FRMD3: variants seen among roughly 807,000 people sequenced by gnomAD.
The protein encoded by FRMD3 is FERM domain-containing protein 3.
A neutral mutation model predicts 70.2 loss-of-function variants in FRMD3; 33 were observed. That is an observed-to-expected ratio of 0.47 (90% CI 0.36 to 0.63). FRMD3 has a LOEUF of 0.63. Ranked by LOEUF, FRMD3 falls within the 20% of genes least tolerant of loss-of-function variation. FRMD3 has a pLI of 0.00. For missense variants in FRMD3, 632 were observed against 711.4 expected (o/e 0.89, Z 1.27); for synonymous variants, 279 against 255.9 (o/e 1.09, Z -0.86).
chr9:83,557,409 A>G, the FRMD3 span, among the ~76,000 whole-genome samples: 5 of 152,248 alleles, frequency 3.3e-5, no homozygotes, highest in Non-Finnish European at 7.3e-5. Flanking sequence ...TGCTGAAGCT[A>G]AAATGCCACA....
chr9:83,428,028 T>C (rs537880021), intron 1 of FRMD3, among the ~76,000 whole-genome samples: 9 of 152,322 alleles, frequency 5.9e-5, no homozygotes, highest in African/African-American at 1.7e-4. Context: ...TAAGTACTTC[T>C]GCTTCTAGAT....
chr9:83,424,234 C>A (rs1826736066), intron 1 of FRMD3, among the ~76,000 whole-genome samples: 1 of 152,166 alleles, frequency 6.6e-6, no homozygotes, highest in Non-Finnish European at 1.5e-5. Flanking sequence ...AAACATGTCT[C>A]CTGCTCTTAC....
At chr9:83,570,326 G>A in the FRMD3 span, among the ~76,000 whole-genome samples, 1 of 152,174 alleles carries the variant, frequency 6.6e-6, no homozygotes, top group Non-Finnish European at 1.5e-5. Context: ...GGAAAAGGGG[G>A]TGTTGGGAGT....
intron 9 of FRMD3, 45 bp downstream of exon 9, chr9:83,310,440 C>G: frequency 6.8e-7 from 1 of 1,460,822 alleles, no homozygotes; most frequent in Non-Finnish European, 9.5e-7. Context: ...GAATCTCTCT[C>G]ATGCACACAC....
chr9:83,276,987 C>T (rs542416895), intron 13 of FRMD3, among the ~76,000 whole-genome samples: 12 of 152,086 alleles, frequency 7.9e-5, no homozygotes, highest in Non-Finnish European at 1.3e-4. Flanking sequence ...CGTGAGCCAC[C>T]GCACCCAGCC....
chr9:83,533,295 C>T (rs1829826316), intron 1 of FRMD3, among the ~76,000 whole-genome samples: 1 of 152,136 alleles, frequency 6.6e-6, no homozygotes, highest in African/African-American at 2.4e-5. Flanking sequence ...AACACAATAA[C>T]ATCCATAAAA....
At chr9:83,557,132 T>G in the FRMD3 span, among the ~76,000 whole-genome samples, 3 of 152,192 alleles carry the variant, frequency 2.0e-5, no homozygotes, top group Non-Finnish European at 4.4e-5. Context: ...AAAAAGAGTT[T>G]GAATTACCAA....
intron 6 of FRMD3, among the ~76,000 whole-genome samples, chr9:83,316,162 T>C (rs13284723): frequency 2.5e-3 from 153 of 61,304 alleles, no homozygotes; most frequent in Non-Finnish European, 4.6e-3. Flanking sequence ...TTTTTTTTTC[T>C]TTTTTTTTTT....
rs1026541881 is a variant in FRMD3 at position 83,534,659 on chromosome 9, T to C, written c.147+3426A>G. On this transcript the variant is annotated intron_variant, in intron 1 of 13. Coordinates refer to ENST00000304195, the MANE Select transcript of FRMD3 (RefSeq NM_174938.6). ...TTCATCTTTTGATGCATAGGCATAATTTGGGGCTACTACTGTCTGAAATAT... is the reference window on the plus strand; with the variant it reads ...TTCATCTTTTGATGCATAGGCATAACTTGGGGCTACTACTGTCTGAAATAT... 7.2e-5 allele frequency among the ~76,000 whole-genome samples: 11 copies of C among 152,316 alleles called. No homozygotes were observed. In the South Asian group the frequency reaches 8.3e-4, roughly 11 times the overall value.
At chr9:83,523,387 A>G (rs539288169) in intron 1 of FRMD3, among the ~76,000 whole-genome samples, 1 of 152,280 alleles carries the variant, frequency 6.6e-6, no homozygotes, top group African/African-American at 2.4e-5. Flanking sequence ...TCAGACTAGA[A>G]TCTCACAATC....
chr9:83,329,615 A>G (rs1836167488), intron 6 of FRMD3, among the ~76,000 whole-genome samples: 1 of 152,208 alleles, frequency 6.6e-6, no homozygotes, highest in Non-Finnish European at 1.5e-5. Context: ...TATAACCTTT[A>G]AGAAATAGAG....
chr9:83,444,630 G>C (rs1009080017), intron 1 of FRMD3, among the ~76,000 whole-genome samples: 1 of 152,136 alleles, frequency 6.6e-6, no homozygotes, highest in Non-Finnish European at 1.5e-5. Context: ...CACCTACCAG[G>C]CTACCACTAA....
Position 83,538,031 on chromosome 9 carries a change from C to G in FRMD3, c.147+54G>C. The G allele has an allele frequency of 1.9e-6, 3 of 1,596,398 alleles. No individual in the cohort carries two copies. ...GTTCTCGCATGCCCACCGCAAAGGC[C>G]CCCCGCCCTGCTCCCGGCGTGTGCC... is the stretch of plus-strand genomic sequence containing the variant. On this transcript the variant is annotated intron_variant, in intron 1 of 13. Coordinates refer to ENST00000304195, the MANE Select transcript of FRMD3 (RefSeq NM_174938.6). This position sits in a 1 kb window ranked among gnomAD's most constrained non-coding sequence, Gnocchi z 4.7.
At chr9:83,496,168 T>C (rs1828938081) in intron 1 of FRMD3, among the ~76,000 whole-genome samples, 1 of 152,188 alleles carries the variant, frequency 6.6e-6, no homozygotes. Context: ...TTTTTAATGG[T>C]AAAGGCATGA....
At chr9:83,474,933 T>C (rs1587889927) in intron 1 of FRMD3, among the ~76,000 whole-genome samples, 1 of 152,010 alleles carries the variant, frequency 6.6e-6, no homozygotes, top group Admixed American at 6.6e-5. Flanking sequence ...CAGACCTGGG[T>C]ATCTAATCTG....
At chr9:83,527,920 G>A (rs1252832819) in intron 1 of FRMD3, among the ~76,000 whole-genome samples, 2 of 152,190 alleles carry the variant, frequency 1.3e-5, no homozygotes, top group Non-Finnish European at 2.9e-5. Flanking sequence ...AGAACTAAAA[G>A]AGGGCCATGT....
At chr9:83,273,613 A>AAAAAAAAC (rs1181317397) in intron 13 of FRMD3, among the ~76,000 whole-genome samples, 109 of 146,508 alleles carry the variant, frequency 7.4e-4, no homozygotes, top group African/African-American at 2.8e-3. Context: ...AAATACTAAA[A>AAAAAAAAC]AAAAAAAAAA....
Position 83,246,865 on chromosome 9 carries a change from A to G in FRMD3, c.*1053T>C. 1 of 985,328 alleles carries G rather than the reference A, an allele frequency of 1.0e-6. No homozygotes were observed. The highest frequency in any genetic ancestry group is 1.2e-6 in the Non-Finnish European group (1 of 829,902). 61.0% of individuals were successfully genotyped at this position (985,328 alleles called of 1,614,324 possible). ...CACATCATCGAACGCTGGCATCACC[A>G]TCACTTTCATAAAATAGACCATTCG... On this transcript the variant is annotated 3_prime_UTR_variant, in exon 14 of 14. Transcript: ENST00000304195.
intron 12 of FRMD3, among the ~76,000 whole-genome samples, chr9:83,293,041 C>T (rs543590657): frequency 2.0e-4 from 31 of 152,298 alleles, no homozygotes; most frequent in African/African-American, 6.0e-4. Context: ...AAAGGAGGGG[C>T]ACCTAATCCG....
Sources: gnomAD v4.1 joint callset for allele counts (sites outside exome capture counted in the v4.1 genomes callset) on GRCh38, gnomAD v4.1.1 for gene constraint, Gnocchi (gnomAD v3.1) non-coding constraint, MANE v1.5 for transcripts, NCBI Gene and HGNC (gene_info 2026-07-23, HGNC 2026-07-21) for gene names.